The following RUNDC3B variants were observed in gnomAD, a reference collection of about 807,000 sequenced individuals.
The protein encoded by RUNDC3B is RUN domain-containing protein 3B.
Under a neutral mutation model 58.4 loss-of-function variants are expected in RUNDC3B, and 33 were observed. The ratio of observed to expected loss-of-function variants is 0.56; its 90% CI spans 0.43 to 0.75. The LOEUF (loss-of-function observed/expected upper bound fraction) is 0.75. Among genes scored for constraint, RUNDC3B ranks in the 30% least tolerant of loss-of-function variants. The pLI is 0.00. For synonymous variants in RUNDC3B, 193 were observed against 195.2 expected, an observed-to-expected ratio of 0.99 and a Z score of 0.10; for missense variants, 501 against 535.7, an observed-to-expected ratio of 0.94 and a Z score of 0.64.
chr7:87,670,567 G>C (rs1825723861), intron 2 of RUNDC3B, among the ~76,000 whole-genome samples: 1 of 152,172 alleles, frequency 6.6e-6, no homozygotes, highest in African/African-American at 2.4e-5. Context: ...TGAGTTACTG[G>C]AGCTCTTGCA....
chr7:87,829,528 T>G (rs1462749670), intron 10 of RUNDC3B, among the ~76,000 whole-genome samples: 2 of 152,164 alleles, frequency 1.3e-5, no homozygotes, highest in Non-Finnish European at 2.9e-5. Flanking sequence ...ATTTCTGGGT[T>G]CTCTATTCTG....
At chr7:87,688,932 A>G (rs1325066627) in intron 2 of RUNDC3B, among the ~76,000 whole-genome samples, 2 of 151,996 alleles carry the variant, frequency 1.3e-5, no homozygotes, top group Non-Finnish European at 2.9e-5. Context: ...ATTTTCAAGG[A>G]ATCATTTTCA....
chr7:87,752,891 T>C (rs1213951439), intron 6 of RUNDC3B, among the ~76,000 whole-genome samples: 1 of 151,780 alleles, frequency 6.6e-6, no homozygotes, highest in African/African-American at 2.4e-5. Flanking sequence ...TCTGCTCTGA[T>C]TTTAGTTATT....
At chr7:87,804,521 T>A (rs575381469) in intron 8 of RUNDC3B, among the ~76,000 whole-genome samples, 59 of 152,270 alleles carry the variant, frequency 3.9e-4, no homozygotes, top group African/African-American at 1.3e-3. Context: ...AGAGAAATTA[T>A]CTATCTAGAA....
At chr7:87,788,703 CTTTTTTT>C (rs5885597) in intron 8 of RUNDC3B, among the ~76,000 whole-genome samples, 3 of 128,296 alleles carry the variant, frequency 2.3e-5, no homozygotes, top group South Asian at 2.5e-4. Context: ...CTTTTCAAAA[CTTTTTTT>C]TTTTTTTTTT....
intron 8 of RUNDC3B, among the ~76,000 whole-genome samples, chr7:87,784,336 G>A (rs1474573612): frequency 1.3e-5 from 2 of 152,088 alleles, no homozygotes; most frequent in Non-Finnish European, 2.9e-5. Flanking sequence ...TCTCATCTGA[G>A]GGGGCTAGTG....
intron 4 of RUNDC3B, among the ~76,000 whole-genome samples, chr7:87,730,896 G>A (rs1456730870): frequency 6.6e-6 from 1 of 152,068 alleles, no homozygotes; most frequent in Admixed American, 6.6e-5. Flanking sequence ...TTGGGGGGAA[G>A]TAAAGGAAAA....
intron 2 of RUNDC3B, among the ~76,000 whole-genome samples, chr7:87,657,481 A>G (rs375485330): frequency 6.6e-5 from 10 of 152,312 alleles, no homozygotes; most frequent in South Asian, 6.2e-4. Context: ...TCCTGAGGCT[A>G]TAACAGTGTC....
At chr7:87,645,148 T>C (rs1484617029) in intron 1 of RUNDC3B, among the ~76,000 whole-genome samples, 1 of 151,004 alleles carries the variant, frequency 6.6e-6, no homozygotes, top group Non-Finnish European at 1.5e-5. Flanking sequence ...AGTGGCACGA[T>C]CTCGGATCAC....
intron 4 of RUNDC3B, among the ~76,000 whole-genome samples, chr7:87,714,535 C>T (rs527280356): frequency 2.2e-4 from 34 of 152,142 alleles, no homozygotes; most frequent in South Asian, 1.5e-3. Flanking sequence ...CTAACAGAGC[C>T]TTAAAACAGA....
At chr7:87,642,868 C>G (rs893967375) in intron 1 of RUNDC3B, among the ~76,000 whole-genome samples, 7 of 151,978 alleles carry the variant, frequency 4.6e-5, no homozygotes, top group African/African-American at 1.2e-4. Context: ...TTTGACAGTA[C>G]AGATTGAGAA....
chr7:87,686,999 G>A (rs1827531951), intron 2 of RUNDC3B, among the ~76,000 whole-genome samples: 3 of 150,836 alleles, frequency 2.0e-5, no homozygotes. Flanking sequence ...TACCAGACAA[G>A]TATAGACTGT....
intron 6 of RUNDC3B, among the ~76,000 whole-genome samples, chr7:87,760,296 A>G (rs1031945209): frequency 6.6e-5 from 10 of 152,102 alleles, no homozygotes; most frequent in African/African-American, 2.4e-4. Context: ...ATTTAAACTT[A>G]AAAATTGATG....
chr7:87,658,024 C>A lies in RUNDC3B; in HGVS notation c.238+7087C>A, dbSNP rs150638127. On this transcript the variant is annotated intron_variant, in intron 2 of 10. Coordinates refer to ENST00000394654, the MANE Select transcript of RUNDC3B (RefSeq NM_001134405.2). ...TTTCCATTGAAACCATTTGTCATAC[C>A]AAGAACCAGGAAGATCTCAGATTGC... Among the ~76,000 whole-genome samples the A allele has an allele frequency of 6.6e-5, 10 of 152,060 alleles. No homozygotes were observed. The East Asian group carries it at 1.9e-3, about 29-fold the overall frequency.
In RUNDC3B at chr7:87,807,507, A is replaced by T. The variant is rs763879556; in HGVS notation, c.1091A>T (p.Lys364Ile). The change falls in exon 9 of 11, where the codon AAA becomes ATA. Residue 364 changes from lysine (K) to isoleucine (I), a missense_variant. By Grantham distance (102) the Lys-to-Ile change is moderately radical (BLOSUM62 -3). Coordinates refer to ENST00000394654, the MANE Select transcript of RUNDC3B (RefSeq NM_001134405.2). ...LDTLLYRKHN[K>I]QWYEKSYQSL... ...ACGTTGCTTTACCGAAAACACAATAAACAGTGGTATGAGTAAGTGTAATAC... is the reference window on the plus strand; with the variant it reads ...ACGTTGCTTTACCGAAAACACAATATACAGTGGTATGAGTAAGTGTAATAC... 1 of 1,612,972 alleles carries T rather than the reference A, an allele frequency of 6.2e-7. No individual in the cohort carries two copies. The highest frequency in any genetic ancestry group is 1.3e-5 in the African/African-American group (1 of 74,984).
chr7:87,675,952 C>T (rs921902957), intron 2 of RUNDC3B, among the ~76,000 whole-genome samples: 17 of 152,190 alleles, frequency 1.1e-4, no homozygotes, highest in African/African-American at 4.1e-4. Context: ...TGTAGTGGCT[C>T]ATACCTGTAA....
intron 6 of RUNDC3B, among the ~76,000 whole-genome samples, chr7:87,744,097 G>A (rs1212014037): frequency 6.6e-6 from 1 of 152,044 alleles, no homozygotes; most frequent in Non-Finnish European, 1.5e-5. Context: ...ATTTCTGTTT[G>A]CTTTGTCGTA....
At chr7:87,703,885 C>CTTTTTTT in intron 3 of RUNDC3B, among the ~76,000 whole-genome samples, 181 of 60,228 alleles carry the variant, frequency 3.0e-3, no homozygotes, top group African/African-American at 3.4e-3. Flanking sequence ...TCAGTTTTTT[C>CTTTTTTT]TTTTTTTTTT....
At chr7:87,642,268 G>A (rs193142589) in intron 1 of RUNDC3B, among the ~76,000 whole-genome samples, 2 of 152,028 alleles carry the variant, frequency 1.3e-5, no homozygotes, top group Admixed American at 1.3e-4. Context: ...ACAGAAACTG[G>A]GACCTTTCAT....
Sources: allele counts gnomAD v4.1 joint callset (sites outside exome capture counted in the v4.1 genomes callset), GRCh38; gene constraint gnomAD v4.1.1; transcripts MANE v1.5; gene names NCBI Gene and HGNC (gene_info 2026-07-23, HGNC 2026-07-21).